Variants in ZNG1A observed in about 807,000 individuals in gnomAD.
ZNG1A encodes zinc-regulated GTPase metalloprotein activator 1A.
chr9:154,834 T>C, the ZNG1A span: 2 of 1,413,840 alleles, frequency 1.4e-6, no homozygotes, highest in Non-Finnish European at 1.9e-6. Context: ...AAACTTTAAA[T>C]AATATACACG....
At chr9:138,744 A>T in the ZNG1A span, among the ~76,000 whole-genome samples, 13 of 87,490 alleles carry the variant, frequency 1.5e-4, no homozygotes, top group East Asian at 5.9e-4. Context: ...ACAGAAAATT[A>T]AAAAAAAAAA....
At chr9:153,791 C>G in the ZNG1A span, 2 of 148,934 alleles carry the variant, frequency 1.3e-5, no homozygotes, top group South Asian at 4.3e-4. Flanking sequence ...ATAATATATA[C>G]TATATGAACT....
the ZNG1A span, among the ~76,000 whole-genome samples, chr9:169,137 G>C: frequency 6.6e-6 from 1 of 152,188 alleles, no homozygotes; most frequent in Non-Finnish European, 1.5e-5. Flanking sequence ...CATCATTCTA[G>C]ATGCCATTAA....
the ZNG1A span, among the ~76,000 whole-genome samples, chr9:152,306 T>C: frequency 6.6e-5 from 10 of 152,134 alleles, no homozygotes; most frequent in Admixed American, 5.2e-4. Context: ...ATAAAACATA[T>C]ATGCAAAAAT....
the ZNG1A span, among the ~76,000 whole-genome samples, chr9:145,736 A>G: frequency 1.3e-5 from 2 of 148,864 alleles, no homozygotes; most frequent in African/African-American, 2.6e-5. Flanking sequence ...TCAAGAAAAA[A>G]TAAAAAATAA....
At chr9:177,151 AT>A in the ZNG1A span, among the ~76,000 whole-genome samples, 1 of 152,192 alleles carries the variant, frequency 6.6e-6, no homozygotes, top group South Asian at 2.1e-4. Flanking sequence ...TTGAAGTAAC[AT>A]TAGTTCATTG....
At chr9:121,840 C>G in the ZNG1A span, 2 of 1,473,012 alleles carry the variant, frequency 1.4e-6, no homozygotes, top group Non-Finnish European at 1.8e-6. Context: ...GAAACATTGA[C>G]CACAAGCTTA....
At chr9:165,257 CATGA>C in the ZNG1A span, among the ~76,000 whole-genome samples, 1 of 151,702 alleles carries the variant, frequency 6.6e-6, no homozygotes, top group Non-Finnish European at 1.5e-5. Flanking sequence ...TTTAAAAAAG[CATGA>C]ATTTTTTCAC....
chr9:165,305 G>T, the ZNG1A span, among the ~76,000 whole-genome samples: 12 of 150,964 alleles, frequency 7.9e-5, no homozygotes, highest in Admixed American at 5.3e-4. Flanking sequence ...AAATCATTTT[G>T]TAATTTTTAA....
chr9:161,252 T>C, the ZNG1A span, among the ~76,000 whole-genome samples: 10 of 151,956 alleles, frequency 6.6e-5, no homozygotes, highest in African/African-American at 2.2e-4. Context: ...GTGGATCACT[T>C]GAGGTCAGGA....
At chr9:145,433 T>C in the ZNG1A span, among the ~76,000 whole-genome samples, 1 of 150,462 alleles carries the variant, frequency 6.6e-6, no homozygotes, top group African/African-American at 2.5e-5. Context: ...TCATTCTCAG[T>C]AAACTATCGC....
the ZNG1A span, among the ~76,000 whole-genome samples, chr9:168,742 T>C: frequency 1.4e-5 from 2 of 147,894 alleles, no homozygotes; most frequent in Admixed American, 6.6e-5. Context: ...CTAAAAATTC[T>C]AGGGCCATTA....
At chr9:142,833 T>C in the ZNG1A span, among the ~76,000 whole-genome samples, 1 of 120,792 alleles carries the variant, frequency 8.3e-6, no homozygotes, top group Non-Finnish European at 1.7e-5. Flanking sequence ...AAGAATCAAA[T>C]AGACGCAATA....
chr9:154,464 T>C, the ZNG1A span: 1 of 516,784 alleles, frequency 1.9e-6, no homozygotes, highest in Non-Finnish European at 3.4e-6. Context: ...AAAAGAAAGA[T>C]GGAGTGCGAA....
the ZNG1A span, among the ~76,000 whole-genome samples, chr9:145,508 T>G: frequency 7.9e-6 from 1 of 126,676 alleles, no homozygotes; most frequent in Admixed American, 9.8e-5. Context: ...TGAGAACACA[T>G]GGACACAGGA....
the ZNG1A span, chr9:163,965 T>G: frequency 6.3e-7 from 1 of 1,588,968 alleles, no homozygotes; most frequent in South Asian, 1.2e-5. Context: ...AAGAAAACTG[T>G]TTTTTAACTT....
the ZNG1A span, among the ~76,000 whole-genome samples, chr9:156,684 TA>T: frequency 1.3e-5 from 2 of 151,492 alleles, no homozygotes; most frequent in South Asian, 2.1e-4. Context: ...CTTTTCTAGC[TA>T]AAAGCATTTT....
the ZNG1A span, among the ~76,000 whole-genome samples, chr9:145,625 C>G: frequency 1.3e-5 from 2 of 150,408 alleles, no homozygotes; most frequent in African/African-American, 2.5e-5. Context: ...GTGCAGCGCA[C>G]CAGCATGGCA....
chr9:156,247 T>G, the ZNG1A span, among the ~76,000 whole-genome samples: 6 of 150,584 alleles, frequency 4.0e-5, no homozygotes, highest in Admixed American at 1.3e-4. Flanking sequence ...TCCTCAAAAT[T>G]ACAGAACTCC....
Sources: allele counts gnomAD v4.1 joint callset (sites outside exome capture counted in the v4.1 genomes callset), GRCh38; gene constraint gnomAD v4.1.1; transcripts MANE v1.5; gene names NCBI Gene and HGNC (gene_info 2026-07-23, HGNC 2026-07-21).